Variants in LRRN1 observed in about 807,000 individuals in gnomAD.
LRRN1 encodes leucine rich repeat neuronal 1.
A neutral mutation model predicts 45.8 loss-of-function variants in LRRN1; 14 were observed. The observed-to-expected ratio is 0.31, with a 90% CI of 0.20 to 0.48. The LOEUF is 0.48. Ranked by LOEUF, LRRN1 falls within the 20% of genes least tolerant of loss-of-function variation. LRRN1 has a pLI of 0.99. For synonymous variants in LRRN1, 359 were observed against 330.1 expected, an observed-to-expected ratio of 1.09 and a Z score of -0.95; for missense variants, 789 against 874.2, an observed-to-expected ratio of 0.90 and a Z score of 1.23.
chr3:3,803,022 A>T (rs1191235627), intron 1 of LRRN1, among the ~76,000 whole-genome samples: 1 of 152,252 alleles, frequency 6.6e-6, no homozygotes, highest in African/African-American at 2.4e-5. Flanking sequence ...TCTGCTAAAT[A>T]AAAGATCTCA....
intron 1 of LRRN1, chr3:3,801,211 A>C (rs1035720205): frequency 3.9e-5 from 6 of 152,268 alleles, no homozygotes; most frequent in African/African-American, 1.2e-4. Context: ...CTTGAAGCTC[A>C]CAGGCAAAGG....
In LRRN1 at chr3:3,846,443, T is replaced by C. The variant is rs1461633753; in HGVS notation, c.1802T>C (p.Ile601Thr). 2 of 1,614,120 alleles carry C rather than the reference T, an allele frequency of 1.2e-6. No homozygotes were observed. The highest frequency in any genetic ancestry group is 2.2e-5 in the East Asian group (1 of 44,880). ...DYEVCLTVSN[I>T]HQQTQKSCVN... Reference sequence around the variant, plus strand: ...GAAGTGTGTCTCACAGTGTCCAATATTCATCAGCAGACTCAAAAGTCATGC... The same window carrying C: ...GAAGTGTGTCTCACAGTGTCCAATACTCATCAGCAGACTCAAAAGTCATGC... Residue 601 changes from isoleucine to threonine, a missense_variant, in exon 2 of 2, where the codon ATT becomes ACT. By Grantham distance (89) the Ile-to-Thr change is moderately conservative (BLOSUM62 -1). Coordinates refer to ENST00000319331, the MANE Select transcript of LRRN1 (RefSeq NM_020873.7). This position sits in a 1 kb window ranked among gnomAD's most constrained non-coding sequence, Gnocchi z 5.7.
chr3:3,832,287 T>C (rs1337518528), intron 1 of LRRN1, among the ~76,000 whole-genome samples: 2 of 152,194 alleles, frequency 1.3e-5, no homozygotes, highest in African/African-American at 2.4e-5. Context: ...ATGCCTTCCA[T>C]TTGGCCTTTC....
Position 3,816,537 on chromosome 3 carries a change from GA to G in LRRN1, c.-279+16627del, listed in dbSNP as rs912485596. Among the ~76,000 whole-genome samples the G allele has an allele frequency of 1.4e-4, 21 of 150,812 alleles. No homozygotes were observed. Among genetic ancestry groups the G allele is most frequent in the Admixed American group, 7.9e-4 (12 of 15,114 alleles). ...TAATTTAACCAGGGCTTTCAATTAA[GA>G]AAAAAAAATATTCCAATATGAGTTC... On this transcript the variant is annotated intron_variant, in intron 1 of 1. Coordinates refer to ENST00000319331, the MANE Select transcript of LRRN1 (RefSeq NM_020873.7). This position sits in a 1 kb window ranked among gnomAD's most constrained non-coding sequence, Gnocchi z 4.0.
rs981572521 is a variant in LRRN1 at position 3,848,168 on chromosome 3, T to C, written c.*1376T>C. On this transcript the variant is annotated 3_prime_UTR_variant, in exon 2 of 2. Transcript: ENST00000319331. The stretch of plus-strand genomic sequence containing the variant: ...ATGCTTAGACCCGTGTTAGTCTCTA[T>C]ATCTGTGTGGCAATATCTGCTGAGA... Among the ~76,000 whole-genome samples the C allele has an allele frequency of 2.0e-5, 3 of 152,238 alleles. No homozygotes were observed. Among genetic ancestry groups the C allele is most frequent in the African/African-American group, 7.2e-5 (3 of 41,470 alleles).
At chr3:3,827,517 G>T in intron 1 of LRRN1, 3 of 456,230 alleles carry the variant, frequency 6.6e-6, no homozygotes, top group South Asian at 4.7e-5. Flanking sequence ...ACTCTGTAAG[G>T]CAAGAAGGAA....
intron 1 of LRRN1, among the ~76,000 whole-genome samples, chr3:3,806,964 CTG>C (rs967502724): frequency 6.6e-6 from 1 of 152,162 alleles, no homozygotes; most frequent in Non-Finnish European, 1.5e-5. Flanking sequence ...CCTGAGACTC[CTG>C]TCTCTCTCAG....
At chr3:3,832,083 C>T (rs1293680775) in intron 1 of LRRN1, among the ~76,000 whole-genome samples, 1 of 152,198 alleles carries the variant, frequency 6.6e-6, no homozygotes, top group East Asian at 1.9e-4. Context: ...TAGTTAAGCT[C>T]ATGATAATCT....
chr3:3,827,471 G>A (rs1287826019), intron 1 of LRRN1: 2 of 456,660 alleles, frequency 4.4e-6, no homozygotes, highest in East Asian at 7.0e-5. Flanking sequence ...AGTAGCTACA[G>A]GCAATGTTGG....
chr3:3,800,500 G>A (rs62247369), intron 1 of LRRN1, among the ~76,000 whole-genome samples: 12,476 of 151,630 alleles, frequency 0.082, 607 homozygotes, highest in Non-Finnish European at 0.094. Context: ...TGAAGTCAGA[G>A]CCTTGGGAAG....
chr3:3,807,223 T>C (rs909172449), intron 1 of LRRN1, among the ~76,000 whole-genome samples: 2 of 152,028 alleles, frequency 1.3e-5, no homozygotes, highest in Non-Finnish European at 2.9e-5. Context: ...AAAAGACTTG[T>C]GACAATCTGG....
intron 1 of LRRN1, among the ~76,000 whole-genome samples, chr3:3,819,085 C>T (rs1693048211): frequency 6.6e-6 from 1 of 151,956 alleles, no homozygotes. Flanking sequence ...GCCTTGAACT[C>T]CTGGCAGTCC....
In LRRN1 at chr3:3,848,419, C is replaced by T. The variant is rs757170796; in HGVS notation, c.*1627C>T. ...ACCCATTTGAAAATAAAGGTTGTTT[C>T]AAAAGGCAGCTGCCGCCAGGCACAC... On this transcript the variant is annotated 3_prime_UTR_variant, in exon 2 of 2. Coordinates refer to ENST00000319331, the MANE Select transcript of LRRN1 (RefSeq NM_020873.7). 2.8e-4 allele frequency among the ~76,000 whole-genome samples: 43 copies of T among 152,234 alleles called. No homozygotes were observed. The highest frequency in any genetic ancestry group is 9.1e-4 in the African/African-American group (38 of 41,556).
At chr3:3,801,270 T>C (rs1263260635) in intron 1 of LRRN1, 1 of 152,216 alleles carries the variant, frequency 6.6e-6, no homozygotes, top group Non-Finnish European at 1.5e-5. Context: ...TTCCCAAACC[T>C]AAATCGTAAA....
rs1693857453 is a variant in LRRN1 at position 3,849,721 on chromosome 3, G to C, written c.*2929G>C. On this transcript the variant is annotated 3_prime_UTR_variant, in exon 2 of 2. Coordinates refer to ENST00000319331, the MANE Select transcript of LRRN1 (RefSeq NM_020873.7). The stretch of plus-strand genomic sequence containing the variant: ...CATTTAATTAATGAAAAATTGAACT[G>C]ATGCCATGGATATAAAAACAAATGT... 6.6e-6 allele frequency among the ~76,000 whole-genome samples: 1 copy of C among 152,138 alleles called. No homozygotes were observed. Among genetic ancestry groups the C allele is most frequent in the Non-Finnish European group, 1.5e-5 (1 of 68,034 alleles).
rs759346622 is a variant in LRRN1, at chr3:3,845,107, A to G, written c.466A>G (p.Ser156Gly). The G allele has an allele frequency of 3.9e-5, 63 of 1,614,096 alleles. No individual in the cohort carries two copies. In the South Asian group the frequency reaches 6.8e-4, roughly 17 times the overall value. The change falls in exon 2 of 2, where the codon AGC becomes GGC. Residue 156 changes from serine to glycine, a missense_variant. Transcript: ENST00000319331. This position sits in a 1 kb window ranked among gnomAD's most constrained non-coding sequence, Gnocchi z 6.5. ...ACTCTACATCAACCACAACCAAATT[A>G]GCACTATTTCTGCTCATGCTTTTGC... ...QELYINHNQISTISAHAFAGL... is the reference protein window; with the variant it reads ...QELYINHNQIGTISAHAFAGL...
intron 1 of LRRN1, among the ~76,000 whole-genome samples, chr3:3,806,549 T>C (rs370878728): frequency 6.6e-6 from 1 of 152,000 alleles, no homozygotes; most frequent in Non-Finnish European, 1.5e-5. Context: ...CTTGTAGGAG[T>C]TGGTCAGAAT....
At chr3:3,834,810 T>C (rs1559303156) in intron 1 of LRRN1, among the ~76,000 whole-genome samples, 1 of 151,622 alleles carries the variant, frequency 6.6e-6, no homozygotes, top group South Asian at 2.1e-4. Flanking sequence ...CTTCTTTTCA[T>C]GTTTTTCTGC....
rs1693784567 is a variant in LRRN1 at position 3,846,611 on chromosome 3, A to G, written c.1970A>G (p.Lys657Arg). 6.2e-7 allele frequency: 1 copy of G among 1,614,150 alleles called. No individual in the cohort carries two copies. Among genetic ancestry groups the G allele is most frequent in the African/African-American group, 1.3e-5 (1 of 75,050 alleles). ...GCTGTGTACTTTGCCAAAAGATTTA[A>G]GAGAAAAAACTACCACCACTCATTA... ...SIAVYFAKRF[K>R]RKNYHHSLKK... Residue 657 changes from lysine to arginine, a missense_variant, in exon 2 of 2, where the codon AAG becomes AGG. Transcript: ENST00000319331. This position sits in a 1 kb window ranked among gnomAD's most constrained non-coding sequence, Gnocchi z 5.7.
Sources: gnomAD v4.1 joint callset for allele counts (sites outside exome capture counted in the v4.1 genomes callset) on GRCh38, gnomAD v4.1.1 for gene constraint, Gnocchi (gnomAD v3.1) non-coding constraint, MANE v1.5 for transcripts, NCBI Gene and HGNC (gene_info 2026-07-23, HGNC 2026-07-21) for gene names.